PMM2: variants seen among roughly 807,000 people sequenced by gnomAD.
The protein encoded by PMM2 is mannose-6-phosphate isomerase.
In PMM2, 35 loss-of-function variants were observed where a neutral mutation model predicts 33.2. That is an observed-to-expected ratio of 1.06 (90% CI 0.81 to 1.40). PMM2 has a LOEUF of 1.40. Among genes scored for constraint, PMM2 ranks in the 40% most tolerant of loss-of-function variants. The pLI is 0.00. For synonymous variants in PMM2, 153 were observed against 114.7 expected, an observed-to-expected ratio of 1.33 and a Z score of -2.13; for missense variants, 386 against 306.0, an observed-to-expected ratio of 1.26 and a Z score of -1.95.
intron 2 of PMM2, 70 bp downstream of exon 2, chr16:8,801,980 C>G: frequency 9.2e-7 from 1 of 1,081,734 alleles, no homozygotes; most frequent in South Asian, 1.3e-5. Context: ...TGCCAAGTAT[C>G]ATAGGCTGCC....
rs1278766235 is a variant in PMM2 at position 8,827,313 on chromosome 16, C to G, written c.639+14207C>G. The stretch of plus-strand genomic sequence containing the variant: ...TCAGTTGACTGAGAAGAAAGACAAA[C>G]AAAAACTCATTCCTCGAAGAAAAAA... On this transcript the variant is annotated intron_variant, in intron 7 of 7. Transcript: ENST00000268261. Among the ~76,000 whole-genome samples the G allele has an allele frequency of 4.7e-5, 7 of 147,752 alleles. No homozygotes were observed. The East Asian group carries it at 7.9e-4, about 17-fold the overall frequency.
At chr16:8,826,139 A>G (rs2060766615) in intron 7 of PMM2, among the ~76,000 whole-genome samples, 1 of 152,248 alleles carries the variant, frequency 6.6e-6, no homozygotes, top group Non-Finnish European at 1.5e-5. Flanking sequence ...AAAAAATTAA[A>G]TAATACCCTT....
intron 1 of PMM2, 51 bp from the exon 2 acceptor site, chr16:8,801,748 C>T (rs1429063585): frequency 1.8e-6 from 2 of 1,142,112 alleles, no homozygotes; most frequent in African/African-American, 3.1e-5. Context: ...GTTTTGGTCT[C>T]CTGATTATTG....
chr16:8,824,528 C>T (rs2060755367), intron 7 of PMM2, among the ~76,000 whole-genome samples: 1 of 152,184 alleles, frequency 6.6e-6, no homozygotes, highest in Non-Finnish European at 1.5e-5. Context: ...TTTTGTAACA[C>T]ATACTAATAA....
chr16:8,801,372 G>A (rs1405769433), intron 1 of PMM2, among the ~76,000 whole-genome samples: 1 of 152,124 alleles, frequency 6.6e-6, no homozygotes, highest in Admixed American at 6.5e-5. Flanking sequence ...TAACTTAATT[G>A]GCATGTATGA....
intron 7 of PMM2, among the ~76,000 whole-genome samples, chr16:8,847,167 G>A (rs984849322): frequency 6.6e-6 from 1 of 152,088 alleles, no homozygotes. Flanking sequence ...CCCGGCCCAC[G>A]TGGGGCTGTT....
At chr16:8,803,108 T>C (rs1489292555) in intron 2 of PMM2, among the ~76,000 whole-genome samples, 3 of 152,154 alleles carry the variant, frequency 2.0e-5, no homozygotes, top group Admixed American at 2.0e-4. Flanking sequence ...TCTCCAGACA[T>C]TGCCAAATGA....
intron 6 of PMM2, among the ~76,000 whole-genome samples, chr16:8,812,445 G>C (rs187790113): frequency 0.013 from 1,999 of 152,272 alleles, 24 homozygotes; most frequent in Non-Finnish European, 0.022. Flanking sequence ...AATGGCAAAG[G>C]GATTATATTT....
In PMM2 at chr16:8,846,421, T is replaced by C. The variant is rs980320150; in HGVS notation, c.640-1303T>C. Among the ~76,000 whole-genome samples the C allele has an allele frequency of 2.0e-5, 3 of 152,260 alleles. No individual in the cohort carries two copies. The South Asian group carries it at 6.2e-4, about 32-fold the overall frequency. ...ATTTTAAGGTTTTGAGTTAGAGTGA[T>C]TATCCAATTTTATGAGGGAAATAAA... On this transcript the variant is annotated intron_variant, in intron 7 of 7. Transcript: ENST00000268261.
intron 4 of PMM2, chr16:8,807,875 A>C (rs7192073): frequency 0.89 from 135,668 of 152,234 alleles, 60,884 homozygotes; most frequent in East Asian, 0.97. Flanking sequence ...AATAGTAATA[A>C]TAATAATGAT....
intron 3 of PMM2, among the ~76,000 whole-genome samples, chr16:8,805,263 TC>T (rs2060640692): frequency 6.6e-6 from 1 of 152,208 alleles, no homozygotes; most frequent in Non-Finnish European, 1.5e-5. Context: ...AGACAGGGTT[TC>T]ACCATGTTGG....
chr16:8,820,246 G>A (rs1199966167), intron 7 of PMM2, among the ~76,000 whole-genome samples: 1 of 151,962 alleles, frequency 6.6e-6, no homozygotes, highest in African/African-American at 2.4e-5. Flanking sequence ...GTTTGTATCA[G>A]TGTGGACCAT....
At position 8,842,817 on chromosome 16, in the gene PMM2, C is replaced by A. The variant is rs62033502; in HGVS notation, c.640-4907C>A. Among the ~76,000 whole-genome samples, 794 of 152,136 alleles carry A rather than the reference C, an allele frequency of 5.2e-3. 7 individuals carry two copies. Among genetic ancestry groups the A allele is most frequent in the Admixed American group, 9.5e-3 (146 of 15,290 alleles). On this transcript the variant is annotated intron_variant, in intron 7 of 7. Coordinates refer to ENST00000268261, the MANE Select transcript of PMM2 (RefSeq NM_000303.3). ...ATAACAGGCTTTAATCCTTTTAAAG[C>A]GTGCTGTGGGATGGGATATTGGCGT...
At chr16:8,813,898 G>A (rs1332170405) in intron 7 of PMM2, among the ~76,000 whole-genome samples, 3 of 127,202 alleles carry the variant, frequency 2.4e-5, no homozygotes, top group Admixed American at 1.0e-4. Flanking sequence ...ACAGAGTCTC[G>A]CTCTGTTGCC....
intron 7 of PMM2, chr16:8,842,092 T>C (rs1271951302): frequency 1.3e-5 from 2 of 150,146 alleles, no homozygotes; most frequent in Non-Finnish European, 3.0e-5. Context: ...GTCCTGGCTG[T>C]TGTGTAAGAA....
intron 7 of PMM2, among the ~76,000 whole-genome samples, chr16:8,826,172 C>CA (rs2060766829): frequency 6.6e-6 from 1 of 152,096 alleles, no homozygotes; most frequent in Non-Finnish European, 1.5e-5. Context: ...AGCTTGCTCA[C>CA]ACACAGAGTT....
At chr16:8,826,593 TAAAAC>T (rs1189399291) in intron 7 of PMM2, among the ~76,000 whole-genome samples, 1 of 152,250 alleles carries the variant, frequency 6.6e-6, no homozygotes, top group Non-Finnish European at 1.5e-5. Context: ...CAATAATCTT[TAAAAC>T]TATCTTTATT....
At chr16:8,819,821 A>C (rs572179790) in intron 7 of PMM2, among the ~76,000 whole-genome samples, 1 of 152,308 alleles carries the variant, frequency 6.6e-6, no homozygotes, top group East Asian at 1.9e-4. Context: ...ACATGCTCCC[A>C]GGGGAGACAG....
chr16:8,842,653 G>A (rs1053116492), intron 7 of PMM2, among the ~76,000 whole-genome samples: 5 of 152,208 alleles, frequency 3.3e-5, no homozygotes, highest in African/African-American at 4.8e-5. Flanking sequence ...CCACAGGGTG[G>A]ATAGGCAAAA....
Sources: allele counts gnomAD v4.1 joint callset (sites outside exome capture counted in the v4.1 genomes callset), GRCh38; gene constraint gnomAD v4.1.1; transcripts MANE v1.5; gene names NCBI Gene and HGNC (gene_info 2026-07-23, HGNC 2026-07-21).